Variants in SLC23A2 observed in about 807,000 individuals in gnomAD.
The protein encoded by SLC23A2 is Na(+)/L-ascorbic acid transporter 2.
Under a neutral mutation model 73.3 loss-of-function variants are expected in SLC23A2, and 36 were observed. The ratio of observed to expected loss-of-function variants is 0.49; its 90% CI spans 0.38 to 0.65. SLC23A2 has a LOEUF of 0.65. Ranked by LOEUF, SLC23A2 falls within the 30% of genes least tolerant of loss-of-function variation. The pLI is 0.00. For synonymous variants in SLC23A2, 343 were observed against 327.3 expected, an observed-to-expected ratio of 1.05 and a Z score of -0.52; for missense variants, 507 against 841.6, an observed-to-expected ratio of 0.60 and a Z score of 4.92.
In SLC23A2 at chr20:4,856,098, G is replaced by A. The variant is rs1020515167; in HGVS notation, c.*874C>T. Reference sequence around the variant, plus strand: ...TAAAACCTTGTAATTATAGACGCGCGCGACAATAACATCCACATGACGGCA... The same window carrying A: ...TAAAACCTTGTAATTATAGACGCGCACGACAATAACATCCACATGACGGCA... On this transcript the variant is annotated 3_prime_UTR_variant, in exon 17 of 17. Coordinates refer to ENST00000338244, the MANE Select transcript of SLC23A2 (RefSeq NM_005116.6). This position sits in a 1 kb window ranked among gnomAD's most constrained non-coding sequence, Gnocchi z 4.6. The A allele has an allele frequency of 2.6e-5, 4 of 152,324 alleles. No homozygotes were observed. The highest frequency in any genetic ancestry group is 4.8e-5 in the African/African-American group (2 of 41,430). The allele number at this position is 152,324 out of a possible 1,614,324, so 9.4% of individuals were successfully genotyped here.
At chr20:4,898,816 G>C (rs895230365) in intron 6 of SLC23A2, among the ~76,000 whole-genome samples, 3 of 152,188 alleles carry the variant, frequency 2.0e-5, no homozygotes, top group Admixed American at 1.3e-4. Context: ...AAACAAAAAG[G>C]ACAAACTGGA....
chr20:4,884,961 A>G (rs1433350799), intron 7 of SLC23A2, 138 bp from the exon 8 acceptor site: 5 of 547,210 alleles, frequency 9.1e-6, no homozygotes, highest in Non-Finnish European at 1.6e-5. Context: ...TCAACCTCCA[A>G]CAGTATAGCT....
At chr20:4,877,528 T>C (rs1930706869) in intron 9 of SLC23A2, among the ~76,000 whole-genome samples, 1 of 152,142 alleles carries the variant, frequency 6.6e-6, no homozygotes, top group African/African-American at 2.4e-5. Context: ...AATATAAAAA[T>C]ATGTAAGGAT....
chr20:4,992,293 G>T (rs1328885094), intron 1 of SLC23A2, among the ~76,000 whole-genome samples: 1 of 152,060 alleles, frequency 6.6e-6, no homozygotes, highest in African/African-American at 2.4e-5. Context: ...TATGATTAAG[G>T]TGTTATTTTT....
Position 4,899,500 on chromosome 20 carries a change from TGCGCTCAATGCCTTC to T in SLC23A2, c.482+40_482+54del. 3.4e-5 allele frequency: 2 copies of T among 59,648 alleles called. No individual in the cohort carries two copies. The highest frequency in any genetic ancestry group is 5.2e-5 in the Non-Finnish European group (2 of 38,298). 3.7% of individuals were successfully genotyped at this position (59,648 alleles called of 1,614,324 possible). Reference sequence around the variant, plus strand: ...GCAAACGGCGCAGCTCAATGCCTTCTGCGCTCAATGCCTTCTGGGGGCTTTGGCATCCCCCATTAG... The same window carrying T: ...GCAAACGGCGCAGCTCAATGCCTTCTTGGGGGCTTTGGCATCCCCCATTAG... On this transcript the variant is annotated intron_variant, in intron 6 of 16. Transcript: ENST00000338244. This position sits in a 1 kb window ranked among gnomAD's most constrained non-coding sequence, Gnocchi z 4.9.
rs539142265 is a variant in SLC23A2 at position 4,983,076 on chromosome 20, G to A, written c.-281-12157C>T. Reference sequence around the variant, plus strand: ...GTCAAAATCGCGCCATTGCACTCCAGCCTGGGCAACGAGAGTGAAACTCCA... The same window carrying A: ...GTCAAAATCGCGCCATTGCACTCCAACCTGGGCAACGAGAGTGAAACTCCA... On this transcript the variant is annotated intron_variant, in intron 1 of 16. Coordinates refer to ENST00000338244, the MANE Select transcript of SLC23A2 (RefSeq NM_005116.6). Among the ~76,000 whole-genome samples, 203 of 152,150 alleles carry A rather than the reference G, an allele frequency of 1.3e-3. 1 individual carries two copies. The highest frequency in any genetic ancestry group is 3.5e-3 in the Admixed American group (53 of 15,262).
intron 1 of SLC23A2, among the ~76,000 whole-genome samples, chr20:5,008,531 C>G (rs557181601): frequency 6.6e-6 from 1 of 152,108 alleles, no homozygotes; most frequent in African/African-American, 2.4e-5. Context: ...CCTCGAATGA[C>G]CCCAAATTCC....
chr20:4,906,792 A>C (rs1448683337), intron 4 of SLC23A2, among the ~76,000 whole-genome samples: 2 of 152,242 alleles, frequency 1.3e-5, no homozygotes, highest in Non-Finnish European at 2.9e-5. Flanking sequence ...GATACTCATC[A>C]ACAAGGACAA....
At chr20:4,887,148 C>T (rs1335234116) in intron 6 of SLC23A2, among the ~76,000 whole-genome samples, 1 of 152,228 alleles carries the variant, frequency 6.6e-6, no homozygotes, top group Non-Finnish European at 1.5e-5. Context: ...AGATGCATTG[C>T]TGTTGACCAC....
At chr20:4,915,240 A>G (rs972247039) in intron 3 of SLC23A2, among the ~76,000 whole-genome samples, 3 of 152,208 alleles carry the variant, frequency 2.0e-5, no homozygotes, top group African/African-American at 7.2e-5. Flanking sequence ...CAAGAACGGC[A>G]ATAGCAGACA....
chr20:5,001,546 G>A (rs529049546), upstream of SLC23A2: 1 of 150,742 alleles, frequency 6.6e-6, no homozygotes, highest in Non-Finnish European at 1.5e-5. Flanking sequence ...GGGTGCAGCG[G>A]AGCCGCCCGC....
At chr20:4,993,108 C>T (rs2087955172) in intron 1 of SLC23A2, among the ~76,000 whole-genome samples, 1 of 151,638 alleles carries the variant, frequency 6.6e-6, no homozygotes, top group South Asian at 2.1e-4. Flanking sequence ...GAAACCCCGT[C>T]TCTACTAAAA....
chr20:4,914,174 G>C (rs143052329), intron 3 of SLC23A2, among the ~76,000 whole-genome samples: 1 of 151,324 alleles, frequency 6.6e-6, no homozygotes, highest in East Asian at 2.0e-4. Context: ...CAGTGCAGCA[G>C]ATATAAAAAG....
chr20:4,945,313 T>A (rs2087103512), intron 2 of SLC23A2, among the ~76,000 whole-genome samples: 1 of 152,160 alleles, frequency 6.6e-6, no homozygotes. Context: ...TGTTTGTTTG[T>A]TTGTTTGTCT....
At chr20:4,995,549 T>C (rs1213809308) in intron 1 of SLC23A2, among the ~76,000 whole-genome samples, 2 of 152,144 alleles carry the variant, frequency 1.3e-5, no homozygotes, top group African/African-American at 4.8e-5. Flanking sequence ...CCCAGTCACA[T>C]GCCTCTCCTG....
intron 1 of SLC23A2, among the ~76,000 whole-genome samples, chr20:4,971,662 C>T (rs1743778670): frequency 6.6e-6 from 1 of 151,456 alleles, no homozygotes; most frequent in African/African-American, 2.4e-5. Flanking sequence ...TGGCACACAC[C>T]TGTAGTCACA....
chr20:5,005,670 G>A (rs1188106243), upstream of SLC23A2, among the ~76,000 whole-genome samples: 1 of 152,162 alleles, frequency 6.6e-6, no homozygotes, highest in Non-Finnish European at 1.5e-5. Flanking sequence ...TAAAATTGAT[G>A]ACATTATATA....
chr20:4,976,617 G>C (rs1174368683), intron 1 of SLC23A2, among the ~76,000 whole-genome samples: 2 of 151,242 alleles, frequency 1.3e-5, no homozygotes, highest in Non-Finnish European at 2.9e-5. Flanking sequence ...AGAGGCTGCA[G>C]TGCGCCGAGA....
chr20:4,997,431 A>G (rs2088042538), intron 1 of SLC23A2, among the ~76,000 whole-genome samples: 1 of 151,720 alleles, frequency 6.6e-6, no homozygotes, highest in African/African-American at 2.4e-5. Flanking sequence ...AGATCTCCAC[A>G]TGCCTCACTC....
Sources: allele counts gnomAD v4.1 joint callset (sites outside exome capture counted in the v4.1 genomes callset), GRCh38; gene constraint gnomAD v4.1.1; non-coding constraint Gnocchi (gnomAD v3.1); transcripts MANE v1.5; gene names NCBI Gene and HGNC (gene_info 2026-07-23, HGNC 2026-07-21).